The following PLG variants were observed in gnomAD, a reference collection of about 807,000 sequenced individuals.
PLG encodes plasminogen, also known as plasmin.
Under a neutral mutation model 104.4 loss-of-function variants are expected in PLG, and 41 were observed. The observed-to-expected ratio is 0.39, with a 90% CI of 0.31 to 0.51. The LOEUF (loss-of-function observed/expected upper bound fraction) is 0.51. PLG is among the 20% of genes least tolerant of loss of function. The pLI is 0.76. For missense variants in PLG, 891 were observed against 1,003.6 expected, an observed-to-expected ratio of 0.89 and a Z score of 1.52; for synonymous variants, 337 against 357.1, an observed-to-expected ratio of 0.94 and a Z score of 0.63.
intron 3 of PLG, among the ~76,000 whole-genome samples, chr6:160,709,909 T>C: frequency 6.6e-6 from 1 of 152,346 alleles, no homozygotes; most frequent in South Asian, 2.1e-4. Context: ...AAATATACCT[T>C]AAACATTTTA....
intron 17 of PLG, among the ~76,000 whole-genome samples, chr6:160,750,037 T>C (rs1778377467): frequency 6.6e-6 from 1 of 152,214 alleles, no homozygotes; most frequent in African/African-American, 2.4e-5. Flanking sequence ...TCACAAAACA[T>C]AACTCAGGCC....
At chr6:160,748,360 G>GAA (rs1180157000) in intron 17 of PLG, among the ~76,000 whole-genome samples, 10 of 32,884 alleles carry the variant, frequency 3.0e-4, no homozygotes, top group African/African-American at 9.4e-4. Flanking sequence ...GAGAAAGAAA[G>GAA]AAAGAAAGAA....
In PLG at chr6:160,726,364, G is replaced by A. The variant is rs78618344; in HGVS notation, c.1256+3797G>A. 2.0e-4 allele frequency among the ~76,000 whole-genome samples: 30 copies of A among 152,140 alleles called. 1 individual carries two copies. The East Asian group carries it at 5.6e-3, about 28-fold the overall frequency. On this transcript the variant is annotated intron_variant, in intron 10 of 18. Coordinates refer to ENST00000308192, the MANE Select transcript of PLG (RefSeq NM_000301.5). This position sits in a 1 kb window ranked among gnomAD's most constrained non-coding sequence, Gnocchi z 4.4. ...CTTCATAAGTCAAAGAAGGAATTTA[G>A]AAAAGTTTTGAACTGAATAATAGTA... is the stretch of plus-strand genomic sequence containing the variant.
At chr6:160,704,937 T>C (rs1395640346) in intron 1 of PLG, among the ~76,000 whole-genome samples, 2 of 152,172 alleles carry the variant, frequency 1.3e-5, no homozygotes, top group Non-Finnish European at 2.9e-5. Context: ...TACAAACCAA[T>C]GCGCTCTGCA....
intron 10 of PLG, among the ~76,000 whole-genome samples, chr6:160,727,333 G>A (rs534597905): frequency 2.7e-5 from 4 of 150,318 alleles, no homozygotes; most frequent in Admixed American, 2.6e-4. Context: ...TTCCCACAGA[G>A]AACACTCTAA....
chr6:160,714,031 G>A (rs530853447), intron 5 of PLG, among the ~76,000 whole-genome samples: 68 of 152,232 alleles, frequency 4.5e-4, no homozygotes, highest in East Asian at 2.1e-3. Context: ...TTCGAATCAC[G>A]GGGATCCTTT....
At position 160,726,237 on chromosome 6, in the gene PLG, C is replaced by G. The variant is rs1582941766; in HGVS notation, c.1256+3670C>G. Among the ~76,000 whole-genome samples, 1 of 151,280 alleles carries G rather than the reference C, an allele frequency of 6.6e-6. No homozygotes were observed. Among genetic ancestry groups the G allele is most frequent in the Non-Finnish European group, 1.5e-5 (1 of 67,926 alleles). On this transcript the variant is annotated intron_variant, in intron 10 of 18. Coordinates refer to ENST00000308192, the MANE Select transcript of PLG (RefSeq NM_000301.5). The surrounding 1 kb of genome is among the most constrained non-coding windows in gnomAD (Gnocchi z 4.4). ...TAGATTGAAAAGAATTAAAATGATACAGAGTCTGTTTTTGAGCAAAACAGA... is the reference window on the plus strand; with the variant it reads ...TAGATTGAAAAGAATTAAAATGATAGAGAGTCTGTTTTTGAGCAAAACAGA...
intron 10 of PLG, 76 bp from the exon 11 acceptor site, chr6:160,730,975 A>G: frequency 6.9e-7 from 1 of 1,452,250 alleles, no homozygotes; most frequent in East Asian, 2.3e-5. Flanking sequence ...CTTTGTTAGA[A>G]CAAAATGTAG....
chr6:160,707,001 T>C (rs1374699786), intron 2 of PLG, among the ~76,000 whole-genome samples: 1 of 149,610 alleles, frequency 6.7e-6, no homozygotes, highest in Admixed American at 6.7e-5. Context: ...AATCAATGCA[T>C]GCTCTACCCA....
chr6:160,738,579 A>G lies in PLG; in HGVS notation c.1844A>G (p.Glu615Gly). ...HFCGGTLISP[E>G]WVLTAAHCLE... is the part of the protein sequence containing the mutation. ...TGTGGAGGCACCTTGATATCCCCAG[A>G]GTGGGTGTTGACTGCTGCCCACTGC... Residue 615 changes from glutamate to glycine, a missense_variant, in exon 15 of 19, where the codon GAG (glutamate) becomes GGG (glycine). Glu to Gly is a moderately conservative substitution (Grantham distance 98). Coordinates refer to ENST00000308192, the MANE Select transcript of PLG (RefSeq NM_000301.5). This position sits in a 1 kb window ranked among gnomAD's most constrained non-coding sequence, Gnocchi z 6.8. 1 of 1,612,182 alleles carries G rather than the reference A, an allele frequency of 6.2e-7. No homozygotes were observed. Among genetic ancestry groups the G allele is most frequent in the Non-Finnish European group, 8.5e-7 (1 of 1,178,192 alleles).
intron 17 of PLG, among the ~76,000 whole-genome samples, chr6:160,748,415 AGG>A (rs200250820): frequency 0.1 from 4,623 of 45,888 alleles, 694 homozygotes; most frequent in East Asian, 0.56. Flanking sequence ...AAAGAAAGAA[AGG>A]GAAAGAAAGA....
At chr6:160,705,801 A>G (rs1262001853) in intron 1 of PLG, 1 of 152,796 alleles carries the variant, frequency 6.5e-6, no homozygotes, top group African/African-American at 2.4e-5. Context: ...ACAAATCAAC[A>G]TCAATCTTGG....
At position 160,741,844 on chromosome 6, in the gene PLG, G is replaced by T. The variant is rs1377064821; in HGVS notation, c.2125+427G>T. 1.3e-5 allele frequency among the ~76,000 whole-genome samples: 2 copies of T among 152,046 alleles called. No homozygotes were observed. Among genetic ancestry groups the T allele is most frequent in the South Asian group, 2.1e-4 (1 of 4,810 alleles). ...CTCCCTCAAGTAGGCCCCAGTGTCT[G>T]TTGCTCTCTTCTTTGTGTCCATGAG... On this transcript the variant is annotated intron_variant, in intron 17 of 18. Coordinates refer to ENST00000308192, the MANE Select transcript of PLG (RefSeq NM_000301.5). The surrounding 1 kb of genome is among the most constrained non-coding windows in gnomAD (Gnocchi z 4.7).
Position 160,713,184 on chromosome 6 carries a change from T to C in PLG, c.547+59T>C, listed in dbSNP as rs544046462. 2.0e-5 allele frequency: 26 copies of C among 1,328,224 alleles called. No individual in the cohort carries two copies. The South Asian group carries it at 2.9e-4, about 15-fold the overall frequency. 82.3% of individuals were successfully genotyped at this position (1,328,224 alleles called of 1,614,324 possible). A position where few individuals can be genotyped will look rare whatever the true frequency, so the allele number is the denominator to read the frequency against. ...TGCCCTTCACCTGTAAAATAATTTG[T>C]TGTAAAGCCCCTTCCCACAGGGATG... On this transcript the variant is annotated intron_variant, in intron 5 of 18. Coordinates refer to ENST00000308192, the MANE Select transcript of PLG (RefSeq NM_000301.5).
rs1390216651 is a variant in PLG, at chr6:160,722,472, C to A, written c.1161C>A (p.Gly387=). The part of the protein sequence containing the change: ...CYHGDGQSYR[G]TSSTTTTGKK... ...ATGGTGATGGACAGAGCTACCGAGG[C>A]ACATCCTCCACCACCACCACAGGAA... is the stretch of plus-strand genomic sequence containing the variant. The change falls in exon 10 of 19, where the codon GGC becomes GGA. Residue 387 remains glycine, a synonymous_variant. Coordinates refer to ENST00000308192, the MANE Select transcript of PLG (RefSeq NM_000301.5). 1 of 1,612,358 alleles carries A rather than the reference C, an allele frequency of 6.2e-7. No homozygotes were observed. The highest frequency in any genetic ancestry group is 1.7e-5 in the Admixed American group (1 of 60,000).
chr6:160,712,377 A>C (rs1035412198), intron 4 of PLG: 3 of 156,670 alleles, frequency 1.9e-5, no homozygotes, highest in African/African-American at 2.4e-5. Flanking sequence ...CCAATAATTC[A>C]AGCTGCATTT....
intron 17 of PLG, among the ~76,000 whole-genome samples, chr6:160,749,051 C>T (rs1308757672): frequency 6.6e-6 from 1 of 152,210 alleles, no homozygotes; most frequent in Non-Finnish European, 1.5e-5. Context: ...TGATAGGCTG[C>T]TGGGCAGCCA....
Position 160,739,855 on chromosome 6 carries a change from A to T in PLG, c.2018+647A>T, listed in dbSNP as rs958405164. 3.3e-5 allele frequency among the ~76,000 whole-genome samples: 5 copies of T among 151,694 alleles called. No homozygotes were observed. Among genetic ancestry groups the T allele is most frequent in the African/African-American group, 9.7e-5 (4 of 41,328 alleles). ...CAAATACAGTTTATAAATGTAAATT[A>T]TATTATTATTATTGTCTTCTTTGAT... On this transcript the variant is annotated intron_variant, in intron 16 of 18. Coordinates refer to ENST00000308192, the MANE Select transcript of PLG (RefSeq NM_000301.5). The surrounding 1 kb of genome is among the most constrained non-coding windows in gnomAD (Gnocchi z 4.4).
Position 160,723,129 on chromosome 6 carries a change from A to G in PLG, c.1256+562A>G, listed in dbSNP as rs1182122135. 6.6e-6 allele frequency among the ~76,000 whole-genome samples: 1 copy of G among 150,868 alleles called. No individual in the cohort carries two copies. Among genetic ancestry groups the G allele is most frequent in the Non-Finnish European group, 1.5e-5 (1 of 67,858 alleles). Reference sequence around the variant, plus strand: ...TGTACACATATATGTGTGTATATATATGTACACATATATGTGTGTATATTA... The same window carrying G: ...TGTACACATATATGTGTGTATATATGTGTACACATATATGTGTGTATATTA... On this transcript the variant is annotated intron_variant, in intron 10 of 18. Transcript: ENST00000308192. The surrounding 1 kb of genome is among the most constrained non-coding windows in gnomAD (Gnocchi z 4.7).
Sources: allele counts gnomAD v4.1 joint callset (sites outside exome capture counted in the v4.1 genomes callset), GRCh38; gene constraint gnomAD v4.1.1; non-coding constraint Gnocchi (gnomAD v3.1); transcripts MANE v1.5; gene names NCBI Gene and HGNC (gene_info 2026-07-23, HGNC 2026-07-21).